Variants in JMJD1C observed in about 807,000 individuals in gnomAD.
JMJD1C encodes the protein jumonji domain containing 1C.
Under a neutral mutation model 245.3 loss-of-function variants are expected in JMJD1C, and 31 were observed. That is an observed-to-expected ratio of 0.13 (90% CI 0.09 to 0.17). The LOEUF (loss-of-function observed/expected upper bound fraction) is 0.17, where lower values mean the gene tolerates loss of function less well. Ranked by LOEUF, JMJD1C falls within the 10% of genes least tolerant of loss-of-function variation. The pLI is 1.00. For synonymous variants in JMJD1C, 1,057 were observed against 1,017.4 expected, an observed-to-expected ratio of 1.04 and a Z score of -0.74; for missense variants, 2,691 against 3,000.2, an observed-to-expected ratio of 0.90 and a Z score of 2.41.
At chr10:63,419,406 GA>G (rs902659882) in intron 1 of JMJD1C, among the ~76,000 whole-genome samples, 1 of 151,686 alleles carries the variant, frequency 6.6e-6, no homozygotes. Context: ...TATATATATA[GA>G]TAAGATATAC....
intron 2 of JMJD1C, among the ~76,000 whole-genome samples, chr10:63,360,237 C>G (rs1945209779): frequency 6.6e-6 from 1 of 151,964 alleles, no homozygotes; most frequent in African/African-American, 2.4e-5. Context: ...CAGTAGCCCG[C>G]TAAGTCACAG....
intron 2 of JMJD1C, among the ~76,000 whole-genome samples, chr10:63,364,265 TC>T (rs1156653909): frequency 6.6e-6 from 1 of 152,146 alleles, no homozygotes; most frequent in Non-Finnish European, 1.5e-5. Context: ...CACCTTGGCC[TC>T]CCAAAGTGCT....
chr10:63,303,169 A>G (rs975918187), intron 2 of JMJD1C, among the ~76,000 whole-genome samples: 1 of 152,238 alleles, frequency 6.6e-6, no homozygotes, highest in African/African-American at 2.4e-5. Context: ...TTCTTGAACT[A>G]ATGATTTAAA....
At chr10:63,442,895 C>A (rs1951474758) in intron 1 of JMJD1C, among the ~76,000 whole-genome samples, 1 of 152,186 alleles carries the variant, frequency 6.6e-6, no homozygotes, top group Admixed American at 6.5e-5. Context: ...TCCAATACCA[C>A]TTCTCCGACT....
intron 2 of JMJD1C, among the ~76,000 whole-genome samples, chr10:63,304,925 G>A (rs1401920827): frequency 1.3e-5 from 2 of 152,158 alleles, no homozygotes; most frequent in Admixed American, 6.5e-5. Flanking sequence ...CTTGAAGCCA[G>A]GAATTTGAGA....
intron 1 of JMJD1C, among the ~76,000 whole-genome samples, chr10:63,490,924 T>G (rs1246404943): frequency 1.3e-5 from 2 of 152,236 alleles, no homozygotes; most frequent in African/African-American, 4.8e-5. Context: ...TAACATTTAC[T>G]GAGCACCTAC....
intron 21 of JMJD1C, among the ~76,000 whole-genome samples, 175 bp downstream of exon 21, chr10:63,184,433 A>G (rs1843872166): frequency 1.3e-5 from 2 of 151,922 alleles, no homozygotes; most frequent in South Asian, 2.1e-4. Flanking sequence ...TAGTAGAGAC[A>G]GGGTTTCACC....
intron 2 of JMJD1C, among the ~76,000 whole-genome samples, chr10:63,377,160 G>GC (rs112516390): frequency 0.14 from 21,467 of 152,116 alleles, 3,477 homozygotes; most frequent in African/African-American, 0.4. Flanking sequence ...AGTGAAATGA[G>GC]CCCGTTACAA....
chr10:63,260,289 C>G (rs1387024113), intron 3 of JMJD1C, among the ~76,000 whole-genome samples: 1 of 152,090 alleles, frequency 6.6e-6, no homozygotes, highest in Non-Finnish European at 1.5e-5. Context: ...CAAGCCAGAC[C>G]AAGCCAGGTT....
At chr10:63,241,046 T>C (rs2133501189) in intron 3 of JMJD1C, among the ~76,000 whole-genome samples, 1 of 152,262 alleles carries the variant, frequency 6.6e-6, no homozygotes, top group Non-Finnish European at 1.5e-5. Context: ...TGCTGAGAAG[T>C]GGCGGTATTA....
chr10:63,169,127 T>C (rs1004659096), intron 24 of JMJD1C, among the ~76,000 whole-genome samples: 4 of 152,220 alleles, frequency 2.6e-5, no homozygotes, highest in African/African-American at 7.2e-5. Context: ...CTTTCTTTTG[T>C]GACTTTCTTT....
At chr10:63,193,185 T>C (rs765392687) in intron 15 of JMJD1C, 34 bp from the exon 16 acceptor site, 4 of 1,564,956 alleles carry the variant, frequency 2.6e-6, no homozygotes, top group South Asian at 1.1e-5. Context: ...TTTTAAACAC[T>C]TTCTTCAATA....
chr10:63,489,872 C>T (rs1310364217), intron 1 of JMJD1C, among the ~76,000 whole-genome samples: 1 of 152,164 alleles, frequency 6.6e-6, no homozygotes, highest in Non-Finnish European at 1.5e-5. Context: ...AGTACCAGTC[C>T]ATGGCTTGTT....
chr10:63,186,882 T>TA (rs1363821449), intron 18 of JMJD1C, among the ~76,000 whole-genome samples: 2 of 152,176 alleles, frequency 1.3e-5, no homozygotes, highest in African/African-American at 4.8e-5. Flanking sequence ...AGCTATGACT[T>TA]AAAAGTTTCT....
intron 2 of JMJD1C, among the ~76,000 whole-genome samples, chr10:63,328,904 T>C (rs1941826772): frequency 6.6e-6 from 1 of 152,230 alleles, no homozygotes; most frequent in Non-Finnish European, 1.5e-5. Context: ...TCACAAGATC[T>C]AGGATTACAC....
At chr10:63,376,924 T>C (rs1214821325) in intron 2 of JMJD1C, among the ~76,000 whole-genome samples, 1 of 152,236 alleles carries the variant, frequency 6.6e-6, no homozygotes, top group African/African-American at 2.4e-5. Flanking sequence ...CTCCTGGGTA[T>C]ATACCCAAAT....
intron 10 of JMJD1C, among the ~76,000 whole-genome samples, chr10:63,206,339 CT>C (rs1341554509): frequency 2.0e-5 from 3 of 152,164 alleles, no homozygotes; most frequent in Non-Finnish European, 4.4e-5. Flanking sequence ...CGCAAATTAC[CT>C]ACAATGACTG....
intron 3 of JMJD1C, among the ~76,000 whole-genome samples, chr10:63,254,998 C>T (rs561246679): frequency 2.0e-5 from 3 of 152,154 alleles, no homozygotes; most frequent in Non-Finnish European, 2.9e-5. Flanking sequence ...GGACTATACA[C>T]GTGCACCACC....
intron 1 of JMJD1C, among the ~76,000 whole-genome samples, chr10:63,490,941 C>A (rs1193584300): frequency 6.6e-6 from 1 of 152,194 alleles, no homozygotes; most frequent in Admixed American, 6.5e-5. Context: ...CTACCATGCA[C>A]GAAGCACGCT....
Sources: gnomAD v4.1 joint callset for allele counts (sites outside exome capture counted in the v4.1 genomes callset) on GRCh38, gnomAD v4.1.1 for gene constraint, MANE v1.5 for transcripts, NCBI Gene and HGNC (gene_info 2026-07-23, HGNC 2026-07-21) for gene names.